The following STPG2 variants were observed in gnomAD, a reference collection of about 807,000 sequenced individuals.
STPG2 encodes sperm-tail PG-rich repeat-containing protein 2.
Under a neutral mutation model 54.2 loss-of-function variants are expected in STPG2, and 56 were observed. The ratio of observed to expected loss-of-function variants is 1.03; its 90% CI spans 0.83 to 1.29. The LOEUF (loss-of-function observed/expected upper bound fraction) is 1.29. Ranked by LOEUF, STPG2 falls within the 50% of genes most tolerant of loss-of-function variation. The pLI is 0.00. For missense variants in STPG2, 596 were observed against 544.9 expected, an observed-to-expected ratio of 1.09 and a Z score of -0.93; for synonymous variants, 200 against 181.8, an observed-to-expected ratio of 1.10 and a Z score of -0.81.
intron 8 of STPG2, among the ~76,000 whole-genome samples, chr4:97,845,073 C>A (rs1728909182): frequency 6.6e-6 from 1 of 151,376 alleles, no homozygotes; most frequent in African/African-American, 2.4e-5. Flanking sequence ...TCACTGCTAG[C>A]ATGTTTTTCT....
rs556600488 is a variant in STPG2 at position 98,078,394 on chromosome 4, C to A, written c.612+27559G>T. ...GCTAAGTATTCCAATTCCCCAGGACCCTAGTCTTCAGATTTCTAAATAAAA... is the reference window on the plus strand; with the variant it reads ...GCTAAGTATTCCAATTCCCCAGGACACTAGTCTTCAGATTTCTAAATAAAA... On this transcript the variant is annotated intron_variant, in intron 5 of 10. Transcript: ENST00000295268. 4.0e-5 allele frequency among the ~76,000 whole-genome samples: 6 copies of A among 151,896 alleles called. No individual in the cohort carries two copies. The East Asian group carries it at 1.2e-3, about 29-fold the overall frequency.
chr4:97,744,518 C>G (rs1340222441), intron 9 of STPG2, among the ~76,000 whole-genome samples: 1 of 151,186 alleles, frequency 6.6e-6, no homozygotes, highest in East Asian at 1.9e-4. Context: ...GTTTTGCTTA[C>G]TATTAGATTC....
At chr4:97,489,663 A>C (rs1730456214) in intron 4 of STPG2, 1 of 151,682 alleles carries the variant, frequency 6.6e-6, no homozygotes, top group African/African-American at 2.4e-5. Context: ...TTGAATGTAA[A>C]TATGCTTCTA....
intron 8 of STPG2, among the ~76,000 whole-genome samples, chr4:97,923,270 G>A (rs990968656): frequency 1.3e-5 from 2 of 152,136 alleles, no homozygotes; most frequent in African/African-American, 4.8e-5. Flanking sequence ...GCACAGGTGG[G>A]AACAGGGGCT....
intron 5 of STPG2, among the ~76,000 whole-genome samples, chr4:98,049,851 C>CATCT (rs2149313038): frequency 1.3e-5 from 2 of 152,092 alleles, no homozygotes; most frequent in South Asian, 4.2e-4. Context: ...TACACAATAC[C>CATCT]ATCTACAAAG....
chr4:97,496,861 GTTGT>G (rs1412525293), intron 4 of STPG2, among the ~76,000 whole-genome samples: 5 of 151,816 alleles, frequency 3.3e-5, no homozygotes, highest in African/African-American at 1.2e-4. Context: ...TTCTTCAGGA[GTTGT>G]TTGTTTCTCT....
chr4:97,664,493 C>T (rs1404856351), intron 10 of STPG2, among the ~76,000 whole-genome samples: 1 of 152,130 alleles, frequency 6.6e-6, no homozygotes, highest in Non-Finnish European at 1.5e-5. Context: ...TTCTCTATTT[C>T]CTCAGTGTTT....
At chr4:97,988,905 C>A (rs950026746) in intron 5 of STPG2, among the ~76,000 whole-genome samples, 1 of 152,158 alleles carries the variant, frequency 6.6e-6, no homozygotes, top group Non-Finnish European at 1.5e-5. Context: ...TGAGCCACTG[C>A]GCCTGGCCAG....
intron 9 of STPG2, among the ~76,000 whole-genome samples, chr4:97,784,719 A>C (rs1370405563): frequency 6.6e-6 from 1 of 152,030 alleles, no homozygotes; most frequent in African/African-American, 2.4e-5. Flanking sequence ...AAAGAAAAAA[A>C]ACACTAAAAA....
intron 4 of STPG2, among the ~76,000 whole-genome samples, chr4:97,528,756 T>C (rs1731346120): frequency 6.6e-6 from 1 of 152,172 alleles, no homozygotes; most frequent in Non-Finnish European, 1.5e-5. Context: ...ATTCTCTTTG[T>C]AGCAATTGTG....
At chr4:98,090,950 T>C (rs1013680912) in intron 5 of STPG2, among the ~76,000 whole-genome samples, 6 of 148,052 alleles carry the variant, frequency 4.1e-5, no homozygotes, top group Non-Finnish European at 9.0e-5. Context: ...TCTCCAATAC[T>C]ACACACAGCT....
At chr4:98,033,171 T>G (rs1462802776) in intron 5 of STPG2, among the ~76,000 whole-genome samples, 1 of 151,652 alleles carries the variant, frequency 6.6e-6, no homozygotes, top group Admixed American at 6.6e-5. Context: ...AGGAGCTAGT[T>G]TTTTGAAAAG....
At chr4:97,667,195 C>T (rs1722555287) in intron 10 of STPG2, among the ~76,000 whole-genome samples, 1 of 152,174 alleles carries the variant, frequency 6.6e-6, no homozygotes, top group African/African-American at 2.4e-5. Context: ...ATTCCTCAGG[C>T]AATTCTTATA....
At chr4:97,987,629 G>A (rs1484537075) in intron 5 of STPG2, among the ~76,000 whole-genome samples, 2 of 151,680 alleles carry the variant, frequency 1.3e-5, no homozygotes, top group Non-Finnish European at 2.9e-5. Context: ...AATTCAAATC[G>A]TCTGCTTCAT....
chr4:97,670,530 A>G (rs1194831075), intron 10 of STPG2, among the ~76,000 whole-genome samples: 2 of 152,224 alleles, frequency 1.3e-5, no homozygotes, highest in African/African-American at 2.4e-5. Context: ...GAGAAAGCAT[A>G]TAAGTAAAAT....
intron 5 of STPG2, among the ~76,000 whole-genome samples, chr4:98,088,777 T>C (rs1220989377): frequency 6.6e-6 from 1 of 151,956 alleles, no homozygotes; most frequent in Admixed American, 6.6e-5. Flanking sequence ...CATATAATTC[T>C]TTTCCCTACC....
At chr4:97,745,261 A>C (rs1177494451) in intron 9 of STPG2, among the ~76,000 whole-genome samples, 1 of 99,328 alleles carries the variant, frequency 1.0e-5, no homozygotes, top group Non-Finnish European at 2.1e-5. Context: ...AAAACAAAAA[A>C]ACAAAAAAAA....
At chr4:97,750,181 T>G (rs1375620806) in intron 9 of STPG2, among the ~76,000 whole-genome samples, 1 of 151,816 alleles carries the variant, frequency 6.6e-6, no homozygotes, top group Non-Finnish European at 1.5e-5. Context: ...CAACCTGTCC[T>G]TTCACTGATA....
intron 9 of STPG2, among the ~76,000 whole-genome samples, chr4:97,831,555 A>G (rs1048051328): frequency 6.6e-6 from 1 of 152,158 alleles, no homozygotes; most frequent in African/African-American, 2.4e-5. Context: ...AGACACAAAA[A>G]AACCTTTCAA....
Sources: gnomAD v4.1 joint callset for allele counts (sites outside exome capture counted in the v4.1 genomes callset) on GRCh38, gnomAD v4.1.1 for gene constraint, MANE v1.5 for transcripts, NCBI Gene and HGNC (gene_info 2026-07-23, HGNC 2026-07-21) for gene names.